IDO2: variants seen among roughly 807,000 people sequenced by gnomAD.
The protein encoded by IDO2 is indoleamine 2,3-dioxygenase-like 1 protein.
A neutral mutation model predicts 45.1 loss-of-function variants in IDO2; 46 were observed. The observed-to-expected ratio is 1.02, with a 90% CI of 0.80 to 1.30. IDO2 has a LOEUF of 1.30. Among genes scored for constraint, IDO2 ranks in the 50% most tolerant of loss-of-function variants. The probability of loss-of-function intolerance (pLI) is 0.00; values close to 1 mark genes in which losing one functional copy is unlikely to be tolerated. For missense variants in IDO2, 544 were observed against 491.8 expected, an observed-to-expected ratio of 1.11 and a Z score of -1.00; for synonymous variants, 218 against 184.9, an observed-to-expected ratio of 1.18 and a Z score of -1.45.
At chr8:39,969,690 C>T (rs1245751286) in intron 3 of IDO2, among the ~76,000 whole-genome samples, 3 of 152,178 alleles carry the variant, frequency 2.0e-5, no homozygotes, top group East Asian at 1.9e-4. Context: ...GCCTGGCCAA[C>T]ATGGCGAAAC....
At chr8:39,955,152 A>T (rs534573361) in intron 2 of IDO2, among the ~76,000 whole-genome samples, 35 of 150,458 alleles carry the variant, frequency 2.3e-4, no homozygotes, top group Non-Finnish European at 4.6e-4. Context: ...CATAGCAGAA[A>T]ATATAAGGCC....
intron 8 of IDO2, among the ~76,000 whole-genome samples, chr8:40,001,489 C>T (rs773293111): frequency 2.1e-4 from 32 of 151,978 alleles, no homozygotes; most frequent in Middle Eastern, 3.4e-3. Context: ...ACTTTGTGAT[C>T]TGCCCACCTC....
chr8:39,967,725 T>C (rs1400656932), intron 3 of IDO2, among the ~76,000 whole-genome samples: 1 of 152,196 alleles, frequency 6.6e-6, no homozygotes, highest in Non-Finnish European at 1.5e-5. Context: ...TGACCTCAGG[T>C]GATCCACCCG....
intron 1 of IDO2, among the ~76,000 whole-genome samples, chr8:39,938,285 A>G (rs1192674253): frequency 3.0e-5 from 1 of 32,990 alleles, no homozygotes; most frequent in East Asian, 1.0e-3. Context: ...TCTACAAAAA[A>G]TTCTCTATCT....
chr8:39,942,099 TA>T (rs1296377108), intron 1 of IDO2, among the ~76,000 whole-genome samples: 1 of 151,482 alleles, frequency 6.6e-6, no homozygotes, highest in Non-Finnish European at 1.5e-5. Flanking sequence ...TTTCCAAAAA[TA>T]AAAAATAAGA....
intron 2 of IDO2, among the ~76,000 whole-genome samples, chr8:39,953,315 T>G (rs1448559870): frequency 6.6e-6 from 1 of 152,196 alleles, no homozygotes; most frequent in Non-Finnish European, 1.5e-5. Flanking sequence ...TCCGGCTATA[T>G]AGCAAAAGTA....
At chr8:39,935,704 C>G (rs902971379) in intron 1 of IDO2, among the ~76,000 whole-genome samples, 3 of 152,192 alleles carry the variant, frequency 2.0e-5, no homozygotes, top group Non-Finnish European at 2.9e-5. Flanking sequence ...CCTGCTTTGA[C>G]CTCCCAAAAT....
chr8:39,950,361 G>A (rs763761184), intron 2 of IDO2, among the ~76,000 whole-genome samples: 33 of 152,144 alleles, frequency 2.2e-4, no homozygotes, highest in Non-Finnish European at 3.4e-4. Flanking sequence ...GTGAAACCCC[G>A]TCTCTACTAA....
In IDO2 at chr8:39,995,549, T is replaced by A. The variant is rs1378492752; in HGVS notation, c.667+5711T>A. Among the ~76,000 whole-genome samples, 4 of 151,968 alleles carry A rather than the reference T, an allele frequency of 2.6e-5. No homozygotes were observed. In the East Asian group the frequency reaches 7.7e-4, roughly 29 times the overall value. On this transcript the variant is annotated intron_variant, in intron 8 of 10. Coordinates refer to ENST00000502986, the Ensembl canonical transcript of IDO2. ...CACCTGCCTCGGCCTCCCAAAGTGC[T>A]GGGTGTGGGCGGCAAGCCACCCAGG... is the stretch of plus-strand genomic sequence containing the variant.
intron 3 of IDO2, among the ~76,000 whole-genome samples, chr8:39,965,260 C>T (rs182079899): frequency 4.6e-5 from 7 of 152,148 alleles, no homozygotes; most frequent in African/African-American, 7.2e-5. Context: ...CCAAGGCTGG[C>T]GGATTGCCTG....
chr8:39,946,656 C>T (rs575216057), intron 1 of IDO2, among the ~76,000 whole-genome samples: 18 of 152,058 alleles, frequency 1.2e-4, no homozygotes, highest in African/African-American at 3.9e-4. Flanking sequence ...TGAATGCTCC[C>T]GGAGACTGAT....
At chr8:39,979,675 AT>A (rs1396759986) in intron 4 of IDO2, among the ~76,000 whole-genome samples, 5 of 152,126 alleles carry the variant, frequency 3.3e-5, no homozygotes, top group Non-Finnish European at 7.4e-5. Context: ...TAAATGAAGG[AT>A]TTTTTTATTT....
chr8:39,951,501 T>C (rs926605539), intron 2 of IDO2, among the ~76,000 whole-genome samples: 1 of 152,156 alleles, frequency 6.6e-6, no homozygotes, highest in African/African-American at 2.4e-5. Flanking sequence ...CACGCTAAGT[T>C]GCACTTAATA....
intron 2 of IDO2, among the ~76,000 whole-genome samples, chr8:39,962,464 A>T (rs1217115917): frequency 3.9e-5 from 6 of 152,208 alleles, no homozygotes. Flanking sequence ...CATATATTCT[A>T]CACACAGCAC....
At chr8:39,976,350 C>A (rs1563432490) in intron 3 of IDO2, among the ~76,000 whole-genome samples, 1 of 152,018 alleles carries the variant, frequency 6.6e-6, no homozygotes, top group Non-Finnish European at 1.5e-5. Context: ...ATAACAAATA[C>A]AAAATTCAAC....
chr8:39,959,411 G>T (rs1309382274), intron 2 of IDO2, among the ~76,000 whole-genome samples: 1 of 43,778 alleles, frequency 2.3e-5, no homozygotes, highest in African/African-American at 5.4e-5. Flanking sequence ...ACTGTGCCCG[G>T]CTGTTAATTT....
intron 2 of IDO2, among the ~76,000 whole-genome samples, chr8:39,961,573 C>T (rs1387980379): frequency 6.6e-6 from 1 of 152,036 alleles, no homozygotes; most frequent in Non-Finnish European, 1.5e-5. Flanking sequence ...CCGCCCTCCT[C>T]GGCCTCCCCA....
chr8:39,949,202 C>G, exon 2 of IDO2: 1 of 1,608,304 alleles, frequency 6.2e-7, no homozygotes, highest in Non-Finnish European at 8.5e-7. Flanking sequence ...GACAGCAGTG[C>G]CATTGTCTTT....
At chr8:39,935,034 C>T in exon 1 of IDO2, 4 of 748,524 alleles carry the variant, frequency 5.3e-6, no homozygotes, top group Non-Finnish European at 9.7e-6. Flanking sequence ...GTTGAAACAT[C>T]CTCCTACACT....
Sources: gnomAD v4.1 joint callset for allele counts (sites outside exome capture counted in the v4.1 genomes callset) on GRCh38, gnomAD v4.1.1 for gene constraint, MANE v1.5 for transcripts, NCBI Gene and HGNC (gene_info 2026-07-23, HGNC 2026-07-21) for gene names.